DTX2: variants seen among roughly 807,000 people sequenced by gnomAD.
DTX2 encodes the protein deltex E3 ubiquitin ligase 2.
DTX2 carries 29 observed loss-of-function variants against 55.3 expected under a neutral mutation model. That is an observed-to-expected ratio of 0.52 (90% CI 0.39 to 0.71). The LOEUF is 0.71. Among genes scored for constraint, DTX2 ranks in the 30% least tolerant of loss-of-function variants. The pLI is 0.00. For synonymous variants in DTX2, 276 were observed against 340.4 expected, an observed-to-expected ratio of 0.81 and a Z score of 2.08; for missense variants, 537 against 822.5, an observed-to-expected ratio of 0.65 and a Z score of 4.25.
chr7:76,505,612 C>G lies in DTX2; in HGVS notation c.*11C>G, dbSNP rs562179171. ...CTGGAGCAGCAGTGACCTCGCACCC[C>G]AGCACGCCCGCCTCTGGTGGCCACC... is the stretch of plus-strand genomic sequence containing the variant. On this transcript the variant is annotated 3_prime_UTR_variant, in exon 11 of 11. Transcript: ENST00000430490. The surrounding 1 kb of genome is among the most constrained non-coding windows in gnomAD (Gnocchi z 4.4). The G allele has an allele frequency of 0.011, 16,858 of 1,506,330 alleles. 142 individuals are homozygous for G. The highest frequency in any genetic ancestry group is 0.013 in the Non-Finnish European group (14,533 of 1,131,160). The allele number at this position is 1,506,330 out of a possible 1,614,324, so 93.3% of individuals were successfully genotyped here.
intron 4 of DTX2, among the ~76,000 whole-genome samples, chr7:76,483,833 C>T (rs1809599073): frequency 6.6e-6 from 1 of 151,488 alleles, no homozygotes; most frequent in Admixed American, 6.6e-5. Context: ...GCAGGAAGAT[C>T]ATTTGAACCC....
At position 76,483,838 on chromosome 7, in the gene DTX2, G is replaced by C. The variant is rs563493514; in HGVS notation, c.908+691G>C. Among the ~76,000 whole-genome samples, 24 of 151,608 alleles carry C rather than the reference G, an allele frequency of 1.6e-4. No individual in the cohort carries two copies. The South Asian group carries it at 4.8e-3, about 31-fold the overall frequency. ...GGAGGCCAAGGCAGGAAGATCATTT[G>C]AACCCAGCAGTCAGAGACCAGCCTG... is the stretch of plus-strand genomic sequence containing the variant. On this transcript the variant is annotated intron_variant, in intron 4 of 10. Coordinates refer to ENST00000430490, the MANE Select transcript of DTX2 (RefSeq NM_001102594.3).
intron 7 of DTX2, among the ~76,000 whole-genome samples, chr7:76,501,042 CT>C (rs1376213129): frequency 2.0e-5 from 3 of 152,066 alleles, no homozygotes; most frequent in Non-Finnish European, 4.4e-5. Context: ...ACCAATCAGA[CT>C]CCTGTTGCGC....
At position 76,505,685 on chromosome 7, in the gene DTX2, C is replaced by T. The variant is rs963127139; in HGVS notation, c.*84C>T. 2.2e-5 allele frequency: 31 copies of T among 1,401,450 alleles called. No homozygotes were observed. The highest frequency in any genetic ancestry group is 1.8e-4 in the Middle Eastern group (1 of 5,636). The allele number at this position is 1,401,450 out of a possible 1,614,324, so 86.8% of individuals were successfully genotyped here. ...GTGGCCAGGCAGGAAGTGCCCAGCCCGAGAGGCTGGGAGGTTTGTTGAGGG... is the reference window on the plus strand; with the variant it reads ...GTGGCCAGGCAGGAAGTGCCCAGCCTGAGAGGCTGGGAGGTTTGTTGAGGG... On this transcript the variant is annotated 3_prime_UTR_variant, in exon 11 of 11. Coordinates refer to ENST00000430490, the MANE Select transcript of DTX2 (RefSeq NM_001102594.3). The surrounding 1 kb of genome is among the most constrained non-coding windows in gnomAD (Gnocchi z 4.4).
intron 7 of DTX2, chr7:76,501,291 T>A: frequency 2.2e-6 from 1 of 456,268 alleles, no homozygotes; most frequent in South Asian, 1.5e-5. Context: ...GAGAAAAATC[T>A]GGTAAGTAAA....
At chr7:76,486,846 G>GGCGGCTGCTGCTGCTGCTGCTGCT (rs1554636852) in intron 4 of DTX2, among the ~76,000 whole-genome samples, 1 of 79,828 alleles carries the variant, frequency 1.3e-5, no homozygotes, top group Non-Finnish European at 2.7e-5. Flanking sequence ...TGTTGTGGTG[G>GGCGGCTGCTGCTGCTGCTGCTGCT]GCTGCTGCTG....
intron 3 of DTX2, among the ~76,000 whole-genome samples, chr7:76,481,020 A>T (rs1809133741): frequency 6.6e-6 from 1 of 152,194 alleles, no homozygotes; most frequent in African/African-American, 2.4e-5. Context: ...GCCTGTCCCG[A>T]CCACAGAGGT....
At position 76,482,997 on chromosome 7, in the gene DTX2, C is replaced by T; in HGVS notation, c.758C>T (p.Ser253Phe). ...GCACCGTACAACAAACCCTCACTCT[C>T]CGGGGCCCGGTCTGCGCCCAGGCTG... ...AFAPYNKPSL[S>F]GARSAPRLNT... The change falls in exon 4 of 11, where the codon TCC becomes TTC. Residue 253 changes from serine to phenylalanine, a missense_variant. Physicochemically the swap from Ser to Phe is radical, Grantham distance 155. Coordinates refer to ENST00000430490, the MANE Select transcript of DTX2 (RefSeq NM_001102594.3). 1.2e-6 allele frequency: 2 copies of T among 1,613,602 alleles called. No homozygotes were observed. The highest frequency in any genetic ancestry group is 1.7e-5 in the Admixed American group (1 of 59,970).
rs866286957 is a variant in DTX2, at chr7:76,471,726, G to A, written c.-90+8017G>A. On this transcript the variant is annotated intron_variant, in intron 2 of 10. Coordinates refer to ENST00000430490, the MANE Select transcript of DTX2 (RefSeq NM_001102594.3). ...TTACTGTTACCATTACACATCCACT[G>A]CTGCCCCTATTACTCCCCTACTTTG... Among the ~76,000 whole-genome samples, 232 of 150,712 alleles carry A rather than the reference G, an allele frequency of 1.5e-3. 1 individual carries two copies. Among genetic ancestry groups the A allele is most frequent in the Non-Finnish European group, 2.1e-3 (142 of 67,792 alleles).
intron 8 of DTX2, among the ~76,000 whole-genome samples, 163 bp downstream of exon 8, chr7:76,502,619 C>T (rs576502359): frequency 9.9e-5 from 15 of 152,248 alleles, no homozygotes; most frequent in African/African-American, 2.4e-4. Context: ...AAGGCCTGGC[C>T]GGCTCTCCTA....
At position 76,505,909 on chromosome 7, in the gene DTX2, A is replaced by T. The variant is rs1439556869; in HGVS notation, c.*308A>T. The T allele has an allele frequency of 1.9e-6, 1 of 535,558 alleles. No homozygotes were observed. Among genetic ancestry groups the T allele is most frequent in the East Asian group, 3.2e-5 (1 of 31,280 alleles). 33.2% of individuals were successfully genotyped at this position (535,558 alleles called of 1,614,324 possible). ...GGGGCCTGGTGTGGGGCGAGTAGAG[A>T]CTTCCCCAGCCTGGACGGGCGTGGG... On this transcript the variant is annotated 3_prime_UTR_variant, in exon 11 of 11. Transcript: ENST00000430490. The surrounding 1 kb of genome is among the most constrained non-coding windows in gnomAD (Gnocchi z 4.4).
chr7:76,480,525 A>G lies in DTX2; in HGVS notation c.16A>G (p.Ser6Gly), dbSNP rs765903594. ...CCTTGGGAAGATGGCCATGGCCCCA[A>G]GCCCTTCCCTGGTGCAGGTGTACAC... The part of the protein sequence containing the change: MAMAP[S>G]PSLVQVYTSP... The change falls in exon 3 of 11, where the codon AGC (serine) becomes GGC (glycine). Residue 6 changes from serine to glycine, a missense_variant. By Grantham distance (56) the Ser-to-Gly change is moderately conservative. Around this residue, in one of 7 missense-constraint regions of DTX2, gnomAD observed 301 missense variants for 396.6 expected, o/e 0.76. Transcript: ENST00000430490. The G allele has an allele frequency of 5.0e-6, 8 of 1,605,304 alleles. No individual in the cohort carries two copies. The Admixed American group carries it at 6.7e-5, about 14-fold the overall frequency.
At chr7:76,475,944 A>C (rs1245728928) in intron 2 of DTX2, among the ~76,000 whole-genome samples, 1 of 36,662 alleles carries the variant, frequency 2.7e-5, no homozygotes, top group Non-Finnish European at 5.3e-5. Flanking sequence ...TAATTTTTCT[A>C]GTTTTTGTAA....
chr7:76,495,417 G>T (rs1046219234), intron 5 of DTX2, among the ~76,000 whole-genome samples: 10 of 152,144 alleles, frequency 6.6e-5, no homozygotes, highest in Admixed American at 5.9e-4. Flanking sequence ...GGAGAAAAAG[G>T]CTGTGGCCCT....
At chr7:76,472,051 C>T (rs1807981709) in intron 2 of DTX2, 1 of 149,784 alleles carries the variant, frequency 6.7e-6, no homozygotes, top group Non-Finnish European at 1.5e-5. Context: ...AGGCACTGGC[C>T]TGAGTGATCC....
rs1236329458 is a variant in DTX2, at chr7:76,502,452, A to T, written c.1385A>T (p.Asn462Ile). The T allele has an allele frequency of 6.2e-7, 1 of 1,611,482 alleles. No homozygotes were observed. The highest frequency in any genetic ancestry group is 8.5e-7 in the Non-Finnish European group (1 of 1,179,706). ...CTCCTGGCCATGTACTGCAACGGCA[A>T]TAAGGTGCCCCCACTGGCCCAGGGC... is the stretch of plus-strand genomic sequence containing the variant. ...LCLLAMYCNG[N>I]KDGSLQCPSC... Residue 462 changes from asparagine (N) to isoleucine (I), a missense_variant, in exon 8 of 11, where the codon AAT (asparagine) becomes ATT (isoleucine). Coordinates refer to ENST00000430490, the MANE Select transcript of DTX2 (RefSeq NM_001102594.3).
rs756390618 is a variant in DTX2, at chr7:76,482,928, C to T, written c.689C>T (p.Pro230Leu). The T allele has an allele frequency of 6.2e-7, 1 of 1,613,810 alleles. No homozygotes were observed. Among genetic ancestry groups the T allele is most frequent in the Non-Finnish European group, 8.5e-7 (1 of 1,179,748 alleles). ...CCTGCATACCCCGTCCCCCAGCACCCCCCACACAGGACCGCTTCTGTGTTT... is the reference window on the plus strand; with the variant it reads ...CCTGCATACCCCGTCCCCCAGCACCTCCCACACAGGACCGCTTCTGTGTTT... ...NLPAYPVPQH[P>L]PHRTASVFGT... Residue 230 changes from proline (P) to leucine (L), a missense_variant, in exon 4 of 11, where the codon CCC becomes CTC. By Grantham distance (98) the Pro-to-Leu change is moderately conservative (BLOSUM62 -3). Around this residue, in one of 7 missense-constraint regions of DTX2, gnomAD observed 301 missense variants for 396.6 expected, o/e 0.76. Transcript: ENST00000430490.
At chr7:76,465,000 C>T (rs1807016361) in intron 2 of DTX2, among the ~76,000 whole-genome samples, 1 of 150,646 alleles carries the variant, frequency 6.6e-6, no homozygotes, top group African/African-American at 2.5e-5. Flanking sequence ...AGCGGTGGTG[C>T]AATCTCAGCT....
In DTX2 at chr7:76,502,988, G is replaced by A. The variant is rs1159642586; in HGVS notation, c.1390-438G>A. ...GACCCCCAGCTGCTCTCCCTGCATC[G>A]GCCTTCAGGCGGGATGGGCAGAGTT... On this transcript the variant is annotated intron_variant, in intron 8 of 10. Transcript: ENST00000430490. 8 of 211,506 alleles carry A rather than the reference G, an allele frequency of 3.8e-5. No individual in the cohort carries two copies. In the South Asian group the frequency reaches 4.4e-4, roughly 12 times the overall value. The allele number at this position is 211,506 out of a possible 1,614,324, so 13.1% of individuals were successfully genotyped here.
Sources: gnomAD v4.1 joint callset for allele counts (sites outside exome capture counted in the v4.1 genomes callset) on GRCh38, gnomAD v4.1.1 for gene constraint, gnomAD v4.1.1 regional missense constraint, Gnocchi (gnomAD v3.1) non-coding constraint, MANE v1.5 for transcripts, NCBI Gene and HGNC (gene_info 2026-07-23, HGNC 2026-07-21) for gene names.